FRMPD3: variants seen among roughly 807,000 people sequenced by gnomAD.
FRMPD3 encodes FERM and PDZ domain containing 3.
A neutral mutation model predicts 97.9 loss-of-function variants in FRMPD3; 42 were observed. That is an observed-to-expected ratio of 0.43 (90% CI 0.34 to 0.55). The LOEUF (loss-of-function observed/expected upper bound fraction) is 0.55, where lower values mean the gene tolerates loss of function less well. FRMPD3 is among the 20% of genes least tolerant of loss of function. The pLI, the probability that FRMPD3 is intolerant of heterozygous loss-of-function variation, is 0.03. For synonymous variants in FRMPD3, 577 were observed against 581.1 expected (o/e 0.99, Z 0.10); for missense variants, 1,303 against 1,457.7 (o/e 0.89, Z 1.73).
chrX:107,532,102 G>T (rs1453976388), intron 3 of FRMPD3, among the ~76,000 whole-genome samples: 1 of 112,754 alleles, frequency 8.9e-6, no homozygotes, highest in African/African-American at 3.2e-5. Context: ...CACATCATAA[G>T]CAGAAAAGAT....
In FRMPD3 at chrX:107,601,603, G is replaced by A. The variant is rs1924513444; in HGVS notation, c.3564G>A (p.Arg1188=). ...ASRQVSTMPS[R]KLETTLNGAH... is the part of the protein sequence containing the mutation. ...GGCAGGTGAGCACCATGCCCTCTAG[G>A]AAGCTTGAAACAACTCTCAATGGAG... The change falls in exon 15 of 15, where the codon AGG becomes AGA. Residue 1188 remains arginine (R), a synonymous_variant. Transcript: ENST00000683843. 1 of 1,209,790 alleles carries A rather than the reference G, an allele frequency of 8.3e-7. No individual in the cohort carries two copies. The highest frequency in any genetic ancestry group is 3.0e-5 in the East Asian group (1 of 33,791).
At chrX:107,565,240 GC>G (rs1185585857) in intron 12 of FRMPD3, among the ~76,000 whole-genome samples, 174 bp downstream of exon 12, 1 of 112,120 alleles carries the variant, frequency 8.9e-6, no homozygotes, top group African/African-American at 3.2e-5. Flanking sequence ...TCTGGGACAT[GC>G]CATTTTGACC....
rs763001875 is a variant in FRMPD3, at chrX:107,545,860, C to T, written c.402+19C>T. ...AGATGCAGTAAGTGTAGCTTTGGCT[C>T]CCTCTCCTCAGCCCCTGGCCATAAT... On this transcript the variant is annotated intron_variant, in intron 5 of 14. Transcript: ENST00000683843. 5 of 1,128,680 alleles carry T rather than the reference C, an allele frequency of 4.4e-6. No homozygotes were observed. The highest frequency in any genetic ancestry group is 1.8e-5 in the African/African-American group (1 of 55,757). 93.0% of individuals were successfully genotyped at this position (1,128,680 alleles called of 1,213,427 possible).
At chrX:107,497,045 C>T (rs1367391903) in intron 1 of FRMPD3, among the ~76,000 whole-genome samples, 1 of 112,156 alleles carries the variant, frequency 8.9e-6, no homozygotes, top group African/African-American at 3.2e-5. Flanking sequence ...TGAGGCTACA[C>T]ATTATTAGAC....
At chrX:107,475,923 C>CA (rs1921185743) in intron 1 of FRMPD3, among the ~76,000 whole-genome samples, 1 of 112,018 alleles carries the variant, frequency 8.9e-6, no homozygotes, top group African/African-American at 3.2e-5. Context: ...CTTGCTTTGT[C>CA]GCCAGGCTGG....
chrX:107,602,938 C>G lies in FRMPD3; in HGVS notation c.4899C>G (p.Leu1633=). 1.7e-6 allele frequency: 2 copies of G among 1,211,268 alleles called. No homozygotes were observed. Among genetic ancestry groups the G allele is most frequent in the South Asian group, 3.5e-5 (2 of 57,030 alleles). The change falls in exon 15 of 15, where the codon CTC becomes CTG. Residue 1633 remains leucine (L), a synonymous_variant. Transcript: ENST00000683843. The stretch of plus-strand genomic sequence containing the variant: ...CCGAGTATAAGCTTGAGCTAGCTCT[C>G]AAGTTCAAGGAGCTCCGGGCCTCCT... ...QISEYKLELA[L]KFKELRASCR... is the part of the protein sequence containing the mutation.
intron 1 of FRMPD3, among the ~76,000 whole-genome samples, chrX:107,488,089 T>TA (rs1357926837): frequency 1.8e-5 from 2 of 111,727 alleles, no homozygotes; most frequent in East Asian, 5.6e-4. Context: ...GAGTCCTGTT[T>TA]AATGTTACCA....
At chrX:107,491,892 G>GT (rs377589534) in intron 1 of FRMPD3, among the ~76,000 whole-genome samples, 1 of 110,675 alleles carries the variant, frequency 9.0e-6, no homozygotes, top group East Asian at 2.8e-4. Flanking sequence ...TCCCTTCGTG[G>GT]TTTTTTTCCT....
In FRMPD3 at chrX:107,596,831, G is replaced by A. The variant is rs984617140; in HGVS notation, c.1442-490G>A. On this transcript the variant is annotated intron_variant, in intron 13 of 14. Coordinates refer to ENST00000683843, the MANE Select transcript of FRMPD3 (RefSeq NM_001388459.1). ...GCCTGTTTAACAGGTTCTGACTAAA[G>A]CATTAGTAACTTGTCAGATTTATTT... Among the ~76,000 whole-genome samples the A allele has an allele frequency of 4.5e-5, 5 of 112,174 alleles. No homozygotes were observed. In the East Asian group the frequency reaches 1.4e-3, roughly 31 times the overall value.
At chrX:107,479,527 G>C (rs1031082755) in intron 1 of FRMPD3, among the ~76,000 whole-genome samples, 2 of 111,762 alleles carry the variant, frequency 1.8e-5, no homozygotes, top group African/African-American at 6.5e-5. Flanking sequence ...AATTTCTTAG[G>C]TGTGAGAATA....
intron 1 of FRMPD3, among the ~76,000 whole-genome samples, chrX:107,520,409 G>A (rs1282951435): frequency 1.8e-5 from 2 of 109,997 alleles, no homozygotes; most frequent in East Asian, 5.7e-4. Context: ...GGAGGCTGAG[G>A]CTGGCAGATC....
intron 8 of FRMPD3, among the ~76,000 whole-genome samples, chrX:107,559,788 G>T (rs1922264534): frequency 9.0e-6 from 1 of 110,931 alleles, no homozygotes; most frequent in South Asian, 3.9e-4. Flanking sequence ...CCCCATCCCT[G>T]CAATTCAGCT....
chrX:107,479,835 TACACACAC>T (rs72364087), intron 1 of FRMPD3, among the ~76,000 whole-genome samples: 1 of 94,338 alleles, frequency 1.1e-5, no homozygotes, highest in Admixed American at 1.2e-4. Flanking sequence ...TTACCATGAT[TACACACAC>T]ACACACACAC....
chrX:107,601,384 A>G lies in FRMPD3; in HGVS notation c.3345A>G (p.Arg1115=). The change falls in exon 15 of 15, where the codon AGA becomes AGG. Residue 1115 remains arginine, a synonymous_variant. Coordinates refer to ENST00000683843, the MANE Select transcript of FRMPD3 (RefSeq NM_001388459.1). ...EKAQLESTPK[R]SKLEETSLVP... ...CGCAGCTGGAGAGCACACCCAAAAG[A>G]AGCAAGCTCGAAGAGACCAGCCTGG... is the stretch of plus-strand genomic sequence containing the variant. The G allele has an allele frequency of 8.3e-7, 1 of 1,206,502 alleles. No individual in the cohort carries two copies. The highest frequency in any genetic ancestry group is 1.1e-6 in the Non-Finnish European group (1 of 893,316).
At chrX:107,555,889 G>A (rs771358116) in intron 8 of FRMPD3, among the ~76,000 whole-genome samples, 5 of 111,716 alleles carry the variant, frequency 4.5e-5, no homozygotes, top group African/African-American at 1.6e-4. Flanking sequence ...AATGACAAGG[G>A]CTAGAACCAG....
rs1429042261 is a variant in FRMPD3 at position 107,565,066 on chromosome X, G to C, written c.1296G>C (p.Lys432Asn). The change falls in exon 12 of 15, where the codon AAG (lysine) becomes AAC (asparagine). Residue 432 changes from lysine to asparagine, a missense_variant and splice_region_variant. Transcript: ENST00000683843. ...ARVETSIMDAKPLVLLMEWPE... is the reference protein window; with the variant it reads ...ARVETSIMDANPLVLLMEWPE... ...TGGAGACCAGCATCATGGATGCCAA[G>C]GTAAGCCCTGCTTTGAGGGCCTCCT... 8.5e-7 allele frequency: 1 copy of C among 1,171,761 alleles called. No homozygotes were observed. The highest frequency in any genetic ancestry group is 1.1e-6 in the Non-Finnish European group (1 of 875,592).
At chrX:107,517,628 G>A (rs779251450) in intron 1 of FRMPD3, among the ~76,000 whole-genome samples, 7 of 109,793 alleles carry the variant, frequency 6.4e-5, no homozygotes, top group African/African-American at 2.3e-4. Flanking sequence ...AGGTGTGGTG[G>A]CAGGTGCCTG....
intron 1 of FRMPD3, among the ~76,000 whole-genome samples, chrX:107,501,353 A>ATTTTT (rs1180253334): frequency 1.1e-4 from 5 of 44,737 alleles, no homozygotes; most frequent in Non-Finnish European, 1.2e-4. Context: ...CTTGTCTCCT[A>ATTTTT]TTTTTTTTTT....
In FRMPD3 at chrX:107,598,856, A is replaced by G. The variant is rs141654255; in HGVS notation, c.2263+714A>G. On this transcript the variant is annotated intron_variant, in intron 14 of 14. Transcript: ENST00000683843. ...TGTAACTAAGTATTAGTTCACAGGA[A>G]AACCGTACAACATGCATGCTGTTCC... Among the ~76,000 whole-genome samples the G allele has an allele frequency of 3.1e-3, 346 of 112,474 alleles. 2 individuals carry two copies. The highest frequency in any genetic ancestry group is 0.011 in the African/African-American group (329 of 30,974).
Sources: gnomAD v4.1 joint callset for allele counts (sites outside exome capture counted in the v4.1 genomes callset) on GRCh38, gnomAD v4.1.1 for gene constraint, MANE v1.5 for transcripts, NCBI Gene and HGNC (gene_info 2026-07-23, HGNC 2026-07-21) for gene names.